The following GAPVD1 variants were observed in gnomAD, a reference collection of about 807,000 sequenced individuals.
GAPVD1 encodes the protein GTPase activating protein and VPS9 domains 1, also known as GTPase-activating protein and VPS9 domain-containing protein 1.
GAPVD1 carries 35 observed loss-of-function variants against 155.5 expected under a neutral mutation model. The observed-to-expected ratio is 0.23, with a 90% CI of 0.17 to 0.30. The LOEUF is 0.30. Ranked by LOEUF, GAPVD1 falls within the 10% of genes least tolerant of loss-of-function variation. GAPVD1 has a pLI of 1.00. For missense variants in GAPVD1, 1,429 were observed against 1,775.7 expected (o/e 0.80, Z 3.51); for synonymous variants, 636 against 619.7 (o/e 1.03, Z -0.39).
intron 2 of GAPVD1, among the ~76,000 whole-genome samples, chr9:125,284,527 T>G (rs1837328526): frequency 6.6e-6 from 1 of 151,652 alleles, no homozygotes; most frequent in African/African-American, 2.4e-5. Context: ...GCCCAGGCTG[T>G]TCTCGAACTC....
chr9:125,269,012 T>TA (rs1564245504), intron 2 of GAPVD1, 28 bp downstream of exon 2: 2 of 152,090 alleles, frequency 1.3e-5, no homozygotes, highest in Non-Finnish European at 2.9e-5. Context: ...AATATTTTTT[T>TA]AAAATAATTT....
At position 125,280,306 on chromosome 9, in the gene GAPVD1, G is replaced by A. The variant is rs1836556672; in HGVS notation, c.-150+11322G>A. Reference sequence around the variant, plus strand: ...AGCTACTTGGGAGGCTGAGGCAGGAGAATCGCTTGAACCCAGGAGGCGGAG... The same window carrying A: ...AGCTACTTGGGAGGCTGAGGCAGGAAAATCGCTTGAACCCAGGAGGCGGAG... On this transcript the variant is annotated intron_variant, in intron 2 of 27. Transcript: ENST00000297933. Among the ~76,000 whole-genome samples, 4 of 139,362 alleles carry A rather than the reference G, an allele frequency of 2.9e-5. 1 individual carries two copies. The Admixed American group carries it at 3.2e-4, about 11-fold the overall frequency. The allele number at this position is 139,362 out of a possible 152,430, so 91.4% of individuals were successfully genotyped here.
intron 23 of GAPVD1, 59 bp from the exon 24 acceptor site, chr9:125,354,595 C>T: frequency 2.6e-6 from 3 of 1,139,574 alleles, no homozygotes; most frequent in Non-Finnish European, 3.9e-6. Context: ...GACCCTTATT[C>T]TTCAAAGAGA....
At chr9:125,336,047 A>G (rs1846885956) in intron 15 of GAPVD1, among the ~76,000 whole-genome samples, 1 of 151,706 alleles carries the variant, frequency 6.6e-6, no homozygotes, top group Non-Finnish European at 1.5e-5. Context: ...TGGGAGGCTA[A>G]GGCAGGAGGA....
chr9:125,281,711 A>G (rs1228543828), intron 2 of GAPVD1, among the ~76,000 whole-genome samples: 1 of 152,048 alleles, frequency 6.6e-6, no homozygotes, highest in African/African-American at 2.4e-5. Flanking sequence ...ACTATATTAC[A>G]TTTAGATGTT....
At position 125,297,612 on chromosome 9, in the gene GAPVD1, G is replaced by A. The variant is rs376696931; in HGVS notation, c.-32-1278G>A. On this transcript the variant is annotated intron_variant, in intron 3 of 27. Coordinates refer to ENST00000297933, the MANE Select transcript of GAPVD1 (RefSeq NM_001282680.3). ...GATGTTCTGGAGCTGTGTGAACTAG[G>A]GTGGGATTGTAGGAGAGGAAATTGG... is the stretch of plus-strand genomic sequence containing the variant. 1.2e-4 allele frequency among the ~76,000 whole-genome samples: 18 copies of A among 152,274 alleles called. 1 individual carries two copies. The South Asian group carries it at 3.1e-3, about 26-fold the overall frequency.
At chr9:125,263,617 C>G (rs968649813) in intron 1 of GAPVD1, 17 of 1,374,846 alleles carry the variant, frequency 1.2e-5, no homozygotes, top group Non-Finnish European at 1.7e-5. Flanking sequence ...CGACCAAATC[C>G]GTCTCAACTG....
chr9:125,332,693 G>C, intron 15 of GAPVD1, 64 bp downstream of exon 15: 1 of 1,379,158 alleles, frequency 7.3e-7, no homozygotes, highest in Non-Finnish European at 1.0e-6. Flanking sequence ...CTGGCACTGT[G>C]ACACATTGCT....
In GAPVD1 at chr9:125,357,830, C is replaced by T. The variant is rs1850316062; in HGVS notation, c.3972-1590C>T. 2.0e-5 allele frequency among the ~76,000 whole-genome samples: 3 copies of T among 152,048 alleles called. No individual in the cohort carries two copies. In the South Asian group the frequency reaches 6.2e-4, roughly 32 times the overall value. On this transcript the variant is annotated intron_variant, in intron 25 of 27. Coordinates refer to ENST00000297933, the MANE Select transcript of GAPVD1 (RefSeq NM_001282680.3). The stretch of plus-strand genomic sequence containing the variant: ...TCTGTACTAAAAATACAAAAATTAG[C>T]CAGGCATGATGGCTCACACCTGTCA...
chr9:125,321,573 A>G lies in GAPVD1; in HGVS notation c.1732+11A>G, dbSNP rs371957399. The G allele has an allele frequency of 9.8e-5, 157 of 1,609,314 alleles. No homozygotes were observed. The African/African-American group carries it at 2.0e-3, about 20-fold the overall frequency. On this transcript the variant is annotated intron_variant, in intron 10 of 27. Transcript: ENST00000297933. ...AAGGAATATCTGAAGGTGAAGGGTT[A>G]CTTCATTCAAGGAGTTGTGTGGTTC...
chr9:125,341,730 T>G (rs1219058102), intron 18 of GAPVD1: 2 of 156,658 alleles, frequency 1.3e-5, no homozygotes, highest in Non-Finnish European at 2.8e-5. Context: ...TGTATAAAAT[T>G]GTTTACTTTT....
intron 2 of GAPVD1, among the ~76,000 whole-genome samples, chr9:125,277,571 G>A (rs1835988326): frequency 6.6e-6 from 1 of 152,050 alleles, no homozygotes; most frequent in African/African-American, 2.4e-5. Flanking sequence ...ATCAAGATCA[G>A]ACCTTGCCTG....
chr9:125,342,408 T>C, intron 19 of GAPVD1, 109 bp downstream of exon 19: 1 of 709,410 alleles, frequency 1.4e-6, no homozygotes, highest in South Asian at 1.6e-5. Flanking sequence ...TGTGTCTGTG[T>C]GTACAGTGGG....
chr9:125,342,244 A>G lies in GAPVD1; in HGVS notation c.2991A>G (p.Glu997=), dbSNP rs772990744. ...CTCCTATACCATTTAGAAAGAAAGA[A>G]AAACAAGAAAAAGACAAAGATGATC... ...PKAPIPFRKK[E]KQEKDKDDLG... The change falls in exon 19 of 28, where the codon GAA becomes GAG. Residue 997 remains glutamate, a synonymous_variant. Transcript: ENST00000297933. 1 of 1,593,694 alleles carries G rather than the reference A, an allele frequency of 6.3e-7. No homozygotes were observed. The highest frequency in any genetic ancestry group is 1.1e-5 in the South Asian group (1 of 90,680).
intron 25 of GAPVD1, among the ~76,000 whole-genome samples, chr9:125,356,579 C>G (rs1304093542): frequency 1.3e-5 from 2 of 152,180 alleles, no homozygotes; most frequent in East Asian, 3.9e-4. Flanking sequence ...GAAGCCTCAA[C>G]CTCCCAGGCT....
At chr9:125,303,606 A>G (rs566632034) in intron 5 of GAPVD1, among the ~76,000 whole-genome samples, 31 of 152,014 alleles carry the variant, frequency 2.0e-4, no homozygotes, top group African/African-American at 6.7e-4. Context: ...GAGAAACCCC[A>G]TCTCTACTAA....
Position 125,263,845 on chromosome 9 carries a change from G to T in GAPVD1, c.-199+1886G>T, listed in dbSNP as rs997454662. 33 of 1,216,864 alleles carry T rather than the reference G, an allele frequency of 2.7e-5. No individual in the cohort carries two copies. In the African/African-American group the frequency reaches 3.9e-4, roughly 14 times the overall value. The allele number at this position is 1,216,864 out of a possible 1,614,324, so 75.4% of individuals were successfully genotyped here. A position where few individuals can be genotyped will look rare whatever the true frequency, so the allele number is the denominator to read the frequency against. ...GCGTAGGGTAGCAGGTACAGTCTCCGGGGGGCAGATGAAGGTAATCCCGGA... is the reference window on the plus strand; with the variant it reads ...GCGTAGGGTAGCAGGTACAGTCTCCTGGGGGCAGATGAAGGTAATCCCGGA... On this transcript the variant is annotated intron_variant, in intron 1 of 27. Coordinates refer to ENST00000297933, the MANE Select transcript of GAPVD1 (RefSeq NM_001282680.3).
chr9:125,291,710 A>G (rs1410649746), intron 2 of GAPVD1, among the ~76,000 whole-genome samples: 4 of 152,016 alleles, frequency 2.6e-5, no homozygotes, highest in African/African-American at 7.3e-5. Context: ...GTGAAAGTGG[A>G]CCCATAGTGT....
chr9:125,336,487 A>G (rs1847013115), intron 15 of GAPVD1, among the ~76,000 whole-genome samples: 1 of 152,082 alleles, frequency 6.6e-6, no homozygotes, highest in Non-Finnish European at 1.5e-5. Context: ...CCCTATGTTT[A>G]TAATTTATTT....
Sources: gnomAD v4.1 joint callset for allele counts (sites outside exome capture counted in the v4.1 genomes callset) on GRCh38, gnomAD v4.1.1 for gene constraint, MANE v1.5 for transcripts, NCBI Gene and HGNC (gene_info 2026-07-23, HGNC 2026-07-21) for gene names.